Variants in MND1 observed in about 807,000 individuals in gnomAD.
MND1 encodes meiotic nuclear divisions 1.
MND1 carries 28 observed loss-of-function variants against 35.1 expected under a neutral mutation model. That is an observed-to-expected ratio of 0.80 (90% confidence interval 0.59 to 1.09). MND1 has a LOEUF of 1.09. Among genes scored for constraint, MND1 ranks in the 50% least tolerant of loss-of-function variants. MND1 has a pLI of 0.00. For synonymous variants in MND1, 69 were observed against 70.5 expected (o/e 0.98, Z 0.11); for missense variants, 213 against 239.6 (o/e 0.89, Z 0.73).
rs1470291771 is a variant in MND1 at position 153,344,730 on chromosome 4, C to T, written c.-8C>T. ...GGCCCGGCCAGCGGAAGCCCCTGCGCCCGCGCCATGGTAAGGACTGAGGCT... is the reference window on the plus strand; with the variant it reads ...GGCCCGGCCAGCGGAAGCCCCTGCGTCCGCGCCATGGTAAGGACTGAGGCT... On this transcript the variant is annotated 5_prime_UTR_variant, in exon 1 of 8. Coordinates refer to ENST00000240488, the MANE Select transcript of MND1 (RefSeq NM_032117.4). The T allele has an allele frequency of 2.5e-6, 4 of 1,595,950 alleles. No individual in the cohort carries two copies. The highest frequency in any genetic ancestry group is 3.4e-5 in the Admixed American group (2 of 58,596).
chr4:153,374,628 G>A (rs1157418528), intron 4 of MND1, among the ~76,000 whole-genome samples: 1 of 151,872 alleles, frequency 6.6e-6, no homozygotes, highest in African/African-American at 2.4e-5. Flanking sequence ...GGGGTTGGGG[G>A]AGACTCTTTA....
intron 2 of MND1, among the ~76,000 whole-genome samples, chr4:153,354,413 TAAAGTGTCAG>T (rs1468559599): frequency 6.6e-6 from 1 of 152,254 alleles, no homozygotes; most frequent in East Asian, 1.9e-4. Flanking sequence ...TGTGTTTTCT[TAAAGTGTCAG>T]AAAAGGTAAT....
intron 5 of MND1, 27 bp from the exon 6 acceptor site, chr4:153,397,192 T>C (rs1185663027): frequency 2.0e-6 from 3 of 1,534,570 alleles, no homozygotes; most frequent in African/African-American, 2.8e-5. Flanking sequence ...TTTGTCTTAA[T>C]TGAACATAAA....
chr4:153,405,839 C>G (rs900789522), intron 6 of MND1, among the ~76,000 whole-genome samples: 3 of 152,164 alleles, frequency 2.0e-5, no homozygotes, highest in Admixed American at 6.5e-5. Context: ...GAGTCTCACT[C>G]TGTCACCCAG....
chr4:153,395,699 G>A (rs1399004903), intron 5 of MND1, among the ~76,000 whole-genome samples: 3 of 152,154 alleles, frequency 2.0e-5, no homozygotes, highest in Non-Finnish European at 4.4e-5. Flanking sequence ...GGTGGCTACC[G>A]TTACTGTCTC....
intron 7 of MND1, among the ~76,000 whole-genome samples, chr4:153,410,297 CT>C (rs996729730): frequency 6.7e-6 from 1 of 148,836 alleles, no homozygotes; most frequent in African/African-American, 2.5e-5. Context: ...TTTTTTTTTC[CT>C]ATCCTATTAG....
chr4:153,389,820 A>G (rs923030157), intron 4 of MND1, among the ~76,000 whole-genome samples: 1 of 152,206 alleles, frequency 6.6e-6, no homozygotes, highest in Admixed American at 6.5e-5. Flanking sequence ...TTTTCTGTAT[A>G]TAAATATCCT....
At chr4:153,349,154 T>A (rs937493474) in intron 1 of MND1, among the ~76,000 whole-genome samples, 1 of 151,762 alleles carries the variant, frequency 6.6e-6, no homozygotes, top group African/African-American at 2.4e-5. Context: ...CTTTCTCTTT[T>A]AACTTAGGAT....
intron 4 of MND1, among the ~76,000 whole-genome samples, chr4:153,364,327 G>A (rs1245559374): frequency 2.6e-5 from 4 of 151,878 alleles, no homozygotes; most frequent in Non-Finnish European, 5.9e-5. Flanking sequence ...GACCAGCCTG[G>A]CAACATGGCA....
chr4:153,397,234 C>A lies in MND1; in HGVS notation c.367C>A (p.Leu123Ile). 1 of 1,611,644 alleles carries A rather than the reference C, an allele frequency of 6.2e-7. No individual in the cohort carries two copies. Among genetic ancestry groups the A allele is most frequent in the Non-Finnish European group, 8.5e-7 (1 of 1,178,794 alleles). Residue 123 changes from leucine (L) to isoleucine (I), a missense_variant, in exon 6 of 8, where the codon CTA becomes ATA. Coordinates refer to ENST00000240488, the MANE Select transcript of MND1 (RefSeq NM_032117.4). Reference sequence around the variant, plus strand: ...TGGAATGCAGGAAGAGCGAACCAGGCTAGCAAAAGAGCTTTCTTCACTTCG... The same window carrying A: ...TGGAATGCAGGAAGAGCGAACCAGGATAGCAAAAGAGCTTTCTTCACTTCG... ...GRCETEERTRLAKELSSLRDQ... is the reference protein window; with the variant it reads ...GRCETEERTRIAKELSSLRDQ...
rs143206661 is a variant in MND1, at chr4:153,406,437, G to A, written c.467-2534G>A. Reference sequence around the variant, plus strand: ...CTCGGGAGGCTGAGGCAGGAGAATCGCTTGAACCAGGAAGGCAGAGGTTGC... The same window carrying A: ...CTCGGGAGGCTGAGGCAGGAGAATCACTTGAACCAGGAAGGCAGAGGTTGC... On this transcript the variant is annotated intron_variant, in intron 6 of 7. Transcript: ENST00000240488. Among the ~76,000 whole-genome samples the A allele has an allele frequency of 7.4e-3, 1,132 of 152,064 alleles. 13 individuals are homozygous for A. Among genetic ancestry groups the A allele is most frequent in the African/African-American group, 0.025 (1,041 of 41,460 alleles).
intron 4 of MND1, chr4:153,361,414 G>A: frequency 2.2e-6 from 1 of 454,218 alleles, no homozygotes; most frequent in Non-Finnish European, 4.4e-6. Flanking sequence ...TCTTCTGTTT[G>A]CTTTTAAGAT....
At chr4:153,344,807 C>T in intron 1 of MND1, 67 bp downstream of exon 1, 2 of 1,577,644 alleles carry the variant, frequency 1.3e-6, no homozygotes, top group Middle Eastern at 1.7e-4. Flanking sequence ...CGCCCCTCGG[C>T]TGCATGTGGA....
intron 4 of MND1, among the ~76,000 whole-genome samples, chr4:153,381,390 C>A (rs970909888): frequency 6.6e-6 from 1 of 151,352 alleles, no homozygotes; most frequent in African/African-American, 2.4e-5. Context: ...ATATGAGATA[C>A]AGGTTTGTGG....
At chr4:153,354,713 G>A (rs993137291) in intron 2 of MND1, among the ~76,000 whole-genome samples, 12 of 152,108 alleles carry the variant, frequency 7.9e-5, no homozygotes, top group Non-Finnish European at 1.3e-4. Flanking sequence ...TGGTCTCACT[G>A]TGTTACCCAG....
intron 4 of MND1, among the ~76,000 whole-genome samples, chr4:153,392,808 A>C (rs1213852936): frequency 6.6e-6 from 1 of 152,224 alleles, no homozygotes; most frequent in Admixed American, 6.5e-5. Context: ...TAAAAAGTTT[A>C]AACTGATGAC....
At chr4:153,381,651 A>G (rs1459155446) in intron 4 of MND1, 1 of 112,076 alleles carries the variant, frequency 8.9e-6, no homozygotes, top group Non-Finnish European at 1.7e-5. Context: ...TGCTATATAT[A>G]TAATATATAT....
chr4:153,388,346 G>T (rs894263396), intron 4 of MND1, among the ~76,000 whole-genome samples: 1 of 152,042 alleles, frequency 6.6e-6, no homozygotes, highest in African/African-American at 2.4e-5. Context: ...TAAAAATTAG[G>T]CATAGTGGTA....
chr4:153,356,924 G>A (rs1243301944), intron 3 of MND1, among the ~76,000 whole-genome samples: 1 of 152,134 alleles, frequency 6.6e-6, no homozygotes, highest in Admixed American at 6.5e-5. Flanking sequence ...CCGGGTTCAA[G>A]CGATTCTCCT....
Sources: allele counts gnomAD v4.1 joint callset (sites outside exome capture counted in the v4.1 genomes callset), GRCh38; gene constraint gnomAD v4.1.1; transcripts MANE v1.5; gene names NCBI Gene and HGNC (gene_info 2026-07-23, HGNC 2026-07-21).